ZC3H3: variants seen among roughly 807,000 people sequenced by gnomAD.
ZC3H3 encodes zinc finger CCCH-type containing 3.
In ZC3H3, 36 loss-of-function variants were observed where a neutral mutation model predicts 77.3. That is an observed-to-expected ratio of 0.47 (90% CI 0.36 to 0.61). The LOEUF (loss-of-function observed/expected upper bound fraction) is 0.61, where lower values mean the gene tolerates loss of function less well. ZC3H3 is among the 20% of genes least tolerant of loss of function. ZC3H3 has a pLI of 0.00. For synonymous variants in ZC3H3, 626 were observed against 555.2 expected (o/e 1.13, Z -1.79); for missense variants, 1,331 against 1,312.2 (o/e 1.01, Z -0.22).
At chr8:143,500,710 AG>A (rs553307514) in intron 4 of ZC3H3, among the ~76,000 whole-genome samples, 69 of 152,238 alleles carry the variant, frequency 4.5e-4, no homozygotes, top group African/African-American at 1.6e-3. Flanking sequence ...CTTTCTGATC[AG>A]GGGCCCCTCC....
At chr8:143,496,775 C>T (rs545751463) in intron 4 of ZC3H3, among the ~76,000 whole-genome samples, 5 of 152,392 alleles carry the variant, frequency 3.3e-5, no homozygotes, top group Admixed American at 1.3e-4. Context: ...CTAAACCCAG[C>T]GGTCAGGCCA....
intron 9 of ZC3H3, among the ~76,000 whole-genome samples, chr8:143,442,668 A>C (rs1819777872): frequency 6.6e-6 from 1 of 152,198 alleles, no homozygotes; most frequent in African/African-American, 2.4e-5. Flanking sequence ...AGATGTCCAG[A>C]GGGCACCTGC....
chr8:143,461,255 G>C (rs1820254584), intron 9 of ZC3H3, among the ~76,000 whole-genome samples: 1 of 152,184 alleles, frequency 6.6e-6, no homozygotes, highest in African/African-American at 2.4e-5. Context: ...GCACCCAGGT[G>C]CTCTGCGCAT....
intron 4 of ZC3H3, among the ~76,000 whole-genome samples, chr8:143,481,208 C>G (rs1820898129): frequency 6.6e-6 from 1 of 152,218 alleles, no homozygotes; most frequent in African/African-American, 2.4e-5. Flanking sequence ...CCCAACCCAG[C>G]TCCCAGGCCC....
intron 9 of ZC3H3, among the ~76,000 whole-genome samples, chr8:143,448,965 T>C (rs1819924988): frequency 6.6e-6 from 1 of 152,236 alleles, no homozygotes; most frequent in African/African-American, 2.4e-5. Flanking sequence ...AGGCTTACTA[T>C]GGTTTGCACC....
intron 9 of ZC3H3, among the ~76,000 whole-genome samples, chr8:143,447,907 T>C (rs993139844): frequency 6.6e-6 from 1 of 152,040 alleles, no homozygotes; most frequent in Non-Finnish European, 1.5e-5. Flanking sequence ...GGCGGGTGGA[T>C]TGCCTGAGGT....
At chr8:143,524,786 G>A (rs935966827) in intron 3 of ZC3H3, among the ~76,000 whole-genome samples, 18 of 152,250 alleles carry the variant, frequency 1.2e-4, no homozygotes, top group African/African-American at 4.3e-4. Context: ...GGCAGCTGAT[G>A]CTTCTGCCCA....
At chr8:143,532,074 T>C (rs1484109540) in intron 3 of ZC3H3, among the ~76,000 whole-genome samples, 2 of 152,266 alleles carry the variant, frequency 1.3e-5, no homozygotes, top group Non-Finnish European at 2.9e-5. Context: ...CTTTTGGTTA[T>C]TTAAAATAAT....
chr8:143,440,781 G>A (rs753280782), intron 10 of ZC3H3, among the ~76,000 whole-genome samples, 155 bp downstream of exon 10: 17 of 152,344 alleles, frequency 1.1e-4, no homozygotes, highest in Non-Finnish European at 2.4e-4. Context: ...ATCTCTGGAG[G>A]TCATGTGATC....
intron 9 of ZC3H3, among the ~76,000 whole-genome samples, chr8:143,455,936 A>G (rs2129831764): frequency 7.1e-6 from 1 of 141,514 alleles, no homozygotes; most frequent in South Asian, 2.3e-4. Flanking sequence ...TCAAGATCAC[A>G]CTACTGCACT....
At chr8:143,537,942 G>A (rs1347731687) in intron 2 of ZC3H3, 61 bp downstream of exon 2, 3 of 1,463,318 alleles carry the variant, frequency 2.1e-6, no homozygotes, top group East Asian at 2.3e-5. Context: ...TCCATTAGGG[G>A]TGCCAAACAA....
chr8:143,521,714 C>G (rs1228047315), intron 3 of ZC3H3, among the ~76,000 whole-genome samples: 1 of 152,198 alleles, frequency 6.6e-6, no homozygotes, highest in African/African-American at 2.4e-5. Flanking sequence ...CTCAGCCCCT[C>G]CCCCACCAGT....
In ZC3H3 at chr8:143,536,390, G is replaced by A. The variant is rs768213968; in HGVS notation, c.1428C>T (p.Leu476=). Residue 476 remains leucine, a synonymous_variant, in exon 3 of 12, where the codon CTC becomes CTT. Coordinates refer to ENST00000262577, the MANE Select transcript of ZC3H3 (RefSeq NM_015117.3). The part of the protein sequence containing the change: ...PAATAKSHLS[L]RRRQALRGKS... ...TCCCCCTGAGGGCCTGTCTCCGCCG[G>A]AGGCTGAGGTGGCTCTTGGCGGTGG... is the stretch of plus-strand genomic sequence containing the variant. 8 of 1,580,318 alleles carry A rather than the reference G, an allele frequency of 5.1e-6. No individual in the cohort carries two copies. In the East Asian group the frequency reaches 1.4e-4, roughly 27 times the overall value.
intron 5 of ZC3H3, among the ~76,000 whole-genome samples, chr8:143,474,639 G>A (rs1178216073): frequency 1.3e-5 from 2 of 152,178 alleles, no homozygotes; most frequent in African/African-American, 4.8e-5. Context: ...GGCTGAACCT[G>A]TTCTCTCTCT....
intron 4 of ZC3H3, among the ~76,000 whole-genome samples, chr8:143,478,666 C>A (rs1039554466): frequency 1.3e-5 from 2 of 152,200 alleles, no homozygotes; most frequent in African/African-American, 4.8e-5. Context: ...TGTGCCAACA[C>A]GCCCGGCTAA....
At chr8:143,540,462 T>G (rs1204355589) in intron 1 of ZC3H3, among the ~76,000 whole-genome samples, 2 of 152,174 alleles carry the variant, frequency 1.3e-5, no homozygotes, top group Admixed American at 6.5e-5. Flanking sequence ...ACTCCCGGGC[T>G]CAAGCCATCC....
At chr8:143,525,965 G>A (rs936968553) in intron 3 of ZC3H3, among the ~76,000 whole-genome samples, 8 of 152,374 alleles carry the variant, frequency 5.3e-5, no homozygotes, top group African/African-American at 9.6e-5. Context: ...CCGCTTCAGC[G>A]GCATCGGCCT....
chr8:143,539,292 G>A lies in ZC3H3; in HGVS notation c.75C>T (p.His25=), dbSNP rs554404214. ...QGLIDDYKTL[H]GNAPAPGTPA... ...GGGTACCAGGGGCCGGGGCATTGCCGTGGAGGGTTTTGTAGTCATCAATCA... is the reference window on the plus strand; with the variant it reads ...GGGTACCAGGGGCCGGGGCATTGCCATGGAGGGTTTTGTAGTCATCAATCA... The change falls in exon 2 of 12, where the codon CAC becomes CAT. Residue 25 remains histidine (H), a synonymous_variant. Transcript: ENST00000262577. 118 of 1,611,776 alleles carry A rather than the reference G, an allele frequency of 7.3e-5. No homozygotes were observed. The highest frequency in any genetic ancestry group is 2.3e-4 in the Admixed American group (14 of 59,962).
chr8:143,509,879 C>T (rs543371953), intron 3 of ZC3H3, among the ~76,000 whole-genome samples: 8 of 152,236 alleles, frequency 5.3e-5, no homozygotes, highest in Non-Finnish European at 1.2e-4. Flanking sequence ...AGCCTCCCTT[C>T]GGCTAAAATC....
Sources: allele counts gnomAD v4.1 joint callset (sites outside exome capture counted in the v4.1 genomes callset), GRCh38; gene constraint gnomAD v4.1.1; transcripts MANE v1.5; gene names NCBI Gene and HGNC (gene_info 2026-07-23, HGNC 2026-07-21).